The following PTGFR variants were observed in gnomAD, a reference collection of about 807,000 sequenced individuals.
PTGFR encodes the protein prostaglandin F2-alpha receptor.
Under a neutral mutation model 26.2 loss-of-function variants are expected in PTGFR, and 15 were observed. The ratio of observed to expected loss-of-function variants is 0.57; its 90% CI spans 0.38 to 0.88. PTGFR has a LOEUF of 0.88. PTGFR is among the 40% of genes least tolerant of loss of function. The probability of loss-of-function intolerance (pLI) is 0.00; values close to 1 mark genes in which losing one functional copy is unlikely to be tolerated. For synonymous variants in PTGFR, 165 were observed against 151.1 expected, an observed-to-expected ratio of 1.09 and a Z score of -0.68; for missense variants, 369 against 427.2, an observed-to-expected ratio of 0.86 and a Z score of 1.20.
intron 2 of PTGFR, among the ~76,000 whole-genome samples, chr1:78,520,557 C>T (rs1006125210): frequency 3.9e-5 from 6 of 152,070 alleles, no homozygotes; most frequent in Non-Finnish European, 8.8e-5. Flanking sequence ...CTCCTAAGAG[C>T]AGAAGGACAG....
chr1:78,514,276 CA>C (rs768292847), intron 2 of PTGFR, among the ~76,000 whole-genome samples: 1 of 152,316 alleles, frequency 6.6e-6, no homozygotes, highest in Non-Finnish European at 1.5e-5. Context: ...TGCAAAGCCA[CA>C]GGGGTGGATC....
intron 2 of PTGFR, among the ~76,000 whole-genome samples, chr1:78,525,964 A>G (rs908679030): frequency 1.3e-5 from 2 of 152,114 alleles, no homozygotes; most frequent in African/African-American, 2.4e-5. Flanking sequence ...AATTGGAAGT[A>G]GTCTTCTGGA....
chr1:78,505,748 TTATTA>T (rs970216571), intron 2 of PTGFR, among the ~76,000 whole-genome samples: 17 of 152,168 alleles, frequency 1.1e-4, no homozygotes, highest in Non-Finnish European at 2.2e-4. Flanking sequence ...CTGGATTTGT[TTATTA>T]TGGTTATTTT....
intron 2 of PTGFR, among the ~76,000 whole-genome samples, chr1:78,534,698 T>A (rs1355867743): frequency 2.2e-5 from 2 of 91,228 alleles, no homozygotes; most frequent in Non-Finnish European, 2.6e-5. Context: ...ACATATTTGG[T>A]TTTTTTTTCA....
chr1:78,502,286 G>A (rs1181909646), intron 2 of PTGFR, among the ~76,000 whole-genome samples: 1 of 152,140 alleles, frequency 6.6e-6, no homozygotes, highest in Non-Finnish European at 1.5e-5. Context: ...AGCAAAAGAT[G>A]TAAGTTATTA....
At chr1:78,522,735 G>T (rs1650276414) in intron 2 of PTGFR, among the ~76,000 whole-genome samples, 1 of 152,064 alleles carries the variant, frequency 6.6e-6, no homozygotes, top group Admixed American at 6.6e-5. Context: ...AAGAACGCAT[G>T]ACTGTATTCT....
chr1:78,491,787 A>G (rs1379036962), intron 1 of PTGFR, among the ~76,000 whole-genome samples: 2 of 152,198 alleles, frequency 1.3e-5, no homozygotes, highest in Non-Finnish European at 2.9e-5. Flanking sequence ...TGGCTCCGGA[A>G]TTCCCAGCCT....
chr1:78,508,068 A>G (rs1016563068), intron 2 of PTGFR, among the ~76,000 whole-genome samples: 2 of 151,928 alleles, frequency 1.3e-5, no homozygotes, highest in Admixed American at 6.6e-5. Flanking sequence ...CTTTTATTAC[A>G]TTTTGCTTAT....
At chr1:78,529,198 G>A (rs589958) in intron 2 of PTGFR, among the ~76,000 whole-genome samples, 51,594 of 152,016 alleles carry the variant, frequency 0.34, 9,331 homozygotes, top group African/African-American at 0.47. Flanking sequence ...TTACTGAAAC[G>A]CCTAACTGGT....
At chr1:78,499,796 A>G (rs980789468) in intron 2 of PTGFR, among the ~76,000 whole-genome samples, 10 of 152,154 alleles carry the variant, frequency 6.6e-5, no homozygotes, top group East Asian at 1.9e-4. Context: ...TTATTTTATG[A>G]TATTACAATG....
chr1:78,507,924 C>A (rs1258656392), intron 2 of PTGFR, among the ~76,000 whole-genome samples: 2 of 152,100 alleles, frequency 1.3e-5, no homozygotes, highest in Non-Finnish European at 2.9e-5. Flanking sequence ...CCCTTAAAGA[C>A]CTTGCTGACT....
intron 2 of PTGFR, among the ~76,000 whole-genome samples, chr1:78,516,250 A>G (rs1285468399): frequency 6.6e-6 from 1 of 152,188 alleles, no homozygotes; most frequent in Non-Finnish European, 1.5e-5. Context: ...ATTTATGACT[A>G]TGTATGTTCA....
chr1:78,515,383 G>A (rs1206776995), intron 2 of PTGFR, among the ~76,000 whole-genome samples: 2 of 152,166 alleles, frequency 1.3e-5, no homozygotes, highest in Non-Finnish European at 2.9e-5. Context: ...ATTAAAATCA[G>A]AAGACTCAAA....
At chr1:78,505,375 G>T (rs781559917) in intron 2 of PTGFR, among the ~76,000 whole-genome samples, 2 of 151,698 alleles carry the variant, frequency 1.3e-5, no homozygotes, top group Non-Finnish European at 2.9e-5. Flanking sequence ...CACCCACCTC[G>T]GCCTCCCAAA....
intron 2 of PTGFR, among the ~76,000 whole-genome samples, chr1:78,527,798 TG>T (rs144444582): frequency 8.5e-4 from 129 of 152,270 alleles, no homozygotes; most frequent in African/African-American, 3.1e-3. Context: ...GTGACCTCCA[TG>T]GATCCTAACA....
At chr1:78,509,900 A>T (rs1649924637) in intron 2 of PTGFR, among the ~76,000 whole-genome samples, 1 of 152,202 alleles carries the variant, frequency 6.6e-6, no homozygotes, top group Non-Finnish European at 1.5e-5. Flanking sequence ...CTCATCTTAA[A>T]CACCTCCCTC....
At position 78,536,522 on chromosome 1, in the gene PTGFR, T is replaced by G; in HGVS notation, c.915T>G (p.Ile305Met). The change falls in exon 3 of 3, where the codon ATT (isoleucine) becomes ATG (methionine). Residue 305 changes from isoleucine (I) to methionine (M), a missense_variant. Transcript: ENST00000370757. ...WNQILDPWVYILLRKAVLKNL... is the reference protein window; with the variant it reads ...WNQILDPWVYMLLRKAVLKNL... ...AAATCTTAGATCCTTGGGTATATAT[T>G]CTTCTACGAAAGGCTGTCCTTAAGA... The G allele has an allele frequency of 6.2e-6, 10 of 1,613,418 alleles. No individual in the cohort carries two copies. The highest frequency in any genetic ancestry group is 8.5e-6 in the Non-Finnish European group (10 of 1,179,508).
chr1:78,520,357 A>G (rs1349044935), intron 2 of PTGFR, among the ~76,000 whole-genome samples: 8 of 152,108 alleles, frequency 5.3e-5, no homozygotes, highest in Non-Finnish European at 1.0e-4. Context: ...GAAACCTCTT[A>G]AGAATACAAT....
chr1:78,497,845 G>A (rs2100352179), intron 2 of PTGFR: 1 of 1,437,640 alleles, frequency 7.0e-7, no homozygotes, highest in East Asian at 2.3e-5. Flanking sequence ...TTACTGGAAG[G>A]CCATATGTTT....
Sources: gnomAD v4.1 joint callset for allele counts (sites outside exome capture counted in the v4.1 genomes callset) on GRCh38, gnomAD v4.1.1 for gene constraint, MANE v1.5 for transcripts, NCBI Gene and HGNC (gene_info 2026-07-23, HGNC 2026-07-21) for gene names.